The following PIWIL1 variants were observed in gnomAD, a reference collection of about 807,000 sequenced individuals.
The protein encoded by PIWIL1 is piwi-like protein 1.
Under a neutral mutation model 114.4 loss-of-function variants are expected in PIWIL1, and 73 were observed. That is an observed-to-expected ratio of 0.64 (90% CI 0.53 to 0.78). The LOEUF is 0.78. Ranked by LOEUF, PIWIL1 falls within the 30% of genes least tolerant of loss-of-function variation. The probability of loss-of-function intolerance (pLI) is 0.00; values close to 1 mark genes in which losing one functional copy is unlikely to be tolerated. For missense variants in PIWIL1, 723 were observed against 1,063.1 expected, an observed-to-expected ratio of 0.68 and a Z score of 4.45; for synonymous variants, 375 against 369.0, an observed-to-expected ratio of 1.02 and a Z score of -0.19.
intron 18 of PIWIL1, 86 bp from the exon 19 acceptor site, chr12:130,367,047 T>C: frequency 6.7e-7 from 1 of 1,492,338 alleles, no homozygotes; most frequent in Non-Finnish European, 9.3e-7. Context: ...TGTTCCTTTT[T>C]AAATGGAGCA....
At position 130,349,915 on chromosome 12, in the gene PIWIL1, C is replaced by T. The variant is rs201056133; in HGVS notation, c.992C>T (p.Thr331Ile). 7.4e-6 allele frequency: 12 copies of T among 1,613,452 alleles called. No individual in the cohort carries two copies. The Admixed American group carries it at 2.0e-4, about 27-fold the overall frequency. Reference sequence around the variant, plus strand: ...GACTGGGACCAGAATCCCAAGAGCACCTTTAAGAAAGCCGACGGCTCTGAA... The same window carrying T: ...GACTGGGACCAGAATCCCAAGAGCATCTTTAAGAAAGCCGACGGCTCTGAA... ...DIDWDQNPKS[T>I]FKKADGSEVS... Residue 331 changes from threonine (T) to isoleucine (I), a missense_variant, in exon 9 of 21, where the codon ACC becomes ATC. This residue lies in a region of PIWIL1 where 298 missense variants were observed against 420.8 expected (regional missense o/e 0.71). Coordinates refer to ENST00000245255, the MANE Select transcript of PIWIL1 (RefSeq NM_004764.5).
At chr12:130,374,238 C>T (rs749455404), downstream of PIWIL1, among the ~76,000 whole-genome samples, 3 of 152,192 alleles carry the variant, frequency 2.0e-5, no homozygotes, top group Non-Finnish European at 4.4e-5. Flanking sequence ...CACACAGTGA[C>T]GGCTCTGGCT....
At chr12:130,352,196 C>G (rs528980369) in intron 9 of PIWIL1, among the ~76,000 whole-genome samples, 6 of 152,208 alleles carry the variant, frequency 3.9e-5, no homozygotes, top group African/African-American at 1.2e-4. Context: ...CTTAGATTTT[C>G]TGGTAGAAAT....
the PIWIL1 span, among the ~76,000 whole-genome samples, chr12:130,423,564 GC>G: frequency 6.6e-6 from 1 of 151,910 alleles, no homozygotes; most frequent in African/African-American, 2.4e-5. Context: ...GGCAGGGCCG[GC>G]GGGGAGAAGG....
At chr12:130,377,358 G>T (rs1382717748), downstream of PIWIL1, among the ~76,000 whole-genome samples, 1 of 152,214 alleles carries the variant, frequency 6.6e-6, no homozygotes, top group Non-Finnish European at 1.5e-5. Context: ...AGTGGTCCTT[G>T]ATCCTTGGGT....
intron 15 of PIWIL1, 54 bp from the exon 16 acceptor site, chr12:130,361,444 T>C: frequency 6.2e-7 from 1 of 1,610,392 alleles, no homozygotes; most frequent in Non-Finnish European, 8.5e-7. Flanking sequence ...GGATTTACTT[T>C]TTAAATGTTG....
At position 130,371,161 on chromosome 12, in the gene PIWIL1, T is replaced by A; in HGVS notation, c.2322-15T>A. ...TTTAGTTTTCAGCACATCCGTGTGTTTTCTGTAATTCCAGGTATGACTTTT... is the reference window on the plus strand; with the variant it reads ...TTTAGTTTTCAGCACATCCGTGTGTATTCTGTAATTCCAGGTATGACTTTT... On this transcript the variant is annotated splice_polypyrimidine_tract_variant and intron_variant, in intron 19 of 20. Transcript: ENST00000245255. The A allele has an allele frequency of 2.5e-6, 4 of 1,613,162 alleles. No homozygotes were observed. Among genetic ancestry groups the A allele is most frequent in the Non-Finnish European group, 3.4e-6 (4 of 1,179,176 alleles).
At chr12:130,424,413 C>T in the PIWIL1 span, 8 of 1,232,850 alleles carry the variant, frequency 6.5e-6, no homozygotes, top group Non-Finnish European at 5.1e-6. This position sits in a 1 kb window ranked among gnomAD's most constrained non-coding sequence, Gnocchi z 9.8. Flanking sequence ...CGGCCTCGGG[C>T]CCCTCCTGCA....
chr12:130,371,042 C>T (rs1004661830), intron 19 of PIWIL1, 134 bp from the exon 20 acceptor site: 33 of 734,078 alleles, frequency 4.5e-5, no homozygotes, highest in African/African-American at 1.0e-4. Context: ...CAAGGAAGCA[C>T]GTTACAGCGT....
downstream of PIWIL1, among the ~76,000 whole-genome samples, chr12:130,373,753 G>A (rs185574928): frequency 3.8e-4 from 58 of 152,270 alleles, 1 homozygote; most frequent in Admixed American, 3.5e-3. Flanking sequence ...CATCGTCTTG[G>A]TTATGCCTCT....
the PIWIL1 span, among the ~76,000 whole-genome samples, chr12:130,423,692 T>A: frequency 3.8e-5 from 2 of 52,898 alleles, no homozygotes; most frequent in Non-Finnish European, 3.9e-5. Flanking sequence ...TTCTTCAATC[T>A]TTTTTTTTTT....
intron 14 of PIWIL1, among the ~76,000 whole-genome samples, chr12:130,358,046 T>G (rs562668437): frequency 6.6e-6 from 1 of 152,214 alleles, no homozygotes; most frequent in Non-Finnish European, 1.5e-5. Context: ...GGGATAGGGA[T>G]GCAACCACTC....
the PIWIL1 span, among the ~76,000 whole-genome samples, chr12:130,401,881 A>C: frequency 5.9e-5 from 9 of 152,064 alleles, no homozygotes; most frequent in Non-Finnish European, 1.3e-4. Context: ...TGTTCTGTGA[A>C]CACACACAAT....
chr12:130,396,013 G>GA, the PIWIL1 span: 67,835 of 147,646 alleles, frequency 0.46, 15,969 homozygotes, highest in African/African-American at 0.59. Context: ...ATTATTTTTG[G>GA]AAAAAAAAAA....
chr12:130,349,723 T>C, intron 8 of PIWIL1, 133 bp from the exon 9 acceptor site: 1 of 608,806 alleles, frequency 1.6e-6, no homozygotes, highest in Non-Finnish European at 2.9e-6. Flanking sequence ...AGAAACCCTG[T>C]TCCTTCTTTT....
chr12:130,392,742 G>T, the PIWIL1 span, among the ~76,000 whole-genome samples: 2 of 56,324 alleles, frequency 3.6e-5, no homozygotes, highest in African/African-American at 5.6e-5. Context: ...ACGTGTGTCC[G>T]TCAGTTACCT....
the PIWIL1 span, chr12:130,399,901 C>T: frequency 7.0e-7 from 1 of 1,422,672 alleles, no homozygotes; most frequent in Non-Finnish European, 9.7e-7. Flanking sequence ...GCTCAGAGTA[C>T]AGGTACATGG....
At chr12:130,347,132 C>A in intron 6 of PIWIL1, 70 bp downstream of exon 6, 1 of 1,117,566 alleles carries the variant, frequency 8.9e-7, no homozygotes, top group Non-Finnish European at 1.3e-6. Context: ...TGAACATCTG[C>A]ATTCAGTTCT....
At chr12:130,358,817 C>T (rs1180476392) in intron 14 of PIWIL1, among the ~76,000 whole-genome samples, 2 of 152,200 alleles carry the variant, frequency 1.3e-5, no homozygotes, top group African/African-American at 4.8e-5. Context: ...AGGCCATCTG[C>T]CTCGTTCCTG....
Sources: gnomAD v4.1 joint callset for allele counts (sites outside exome capture counted in the v4.1 genomes callset) on GRCh38, gnomAD v4.1.1 for gene constraint, gnomAD v4.1.1 regional missense constraint, Gnocchi (gnomAD v3.1) non-coding constraint, MANE v1.5 for transcripts, NCBI Gene and HGNC (gene_info 2026-07-23, HGNC 2026-07-21) for gene names.